TCF12: variants seen among roughly 807,000 people sequenced by gnomAD.
TCF12 encodes the protein DNA-binding protein HTF4.
Under a neutral mutation model 86.0 loss-of-function variants are expected in TCF12, and 45 were observed. The observed-to-expected ratio is 0.52, with a 90% confidence interval of 0.41 to 0.67. The LOEUF is 0.67. TCF12 is among the 30% of genes least tolerant of loss of function. The pLI is 0.00. For missense variants in TCF12, 881 were observed against 859.9 expected (o/e 1.02, Z -0.31); for synonymous variants, 330 against 299.6 (o/e 1.10, Z -1.05).
chr15:57,290,503 G>A (rs1597953994), downstream of TCF12, among the ~76,000 whole-genome samples: 1 of 152,162 alleles, frequency 6.6e-6, no homozygotes, highest in East Asian at 1.9e-4. Context: ...AAAAGGGCAA[G>A]GAATCAAAAG....
rs187014425 is a variant in TCF12, at chr15:56,937,510, A to G, written c.148+16412A>G. 3.9e-5 allele frequency among the ~76,000 whole-genome samples: 6 copies of G among 152,034 alleles called. No individual in the cohort carries two copies. In the East Asian group the frequency reaches 1.2e-3, roughly 29 times the overall value. On this transcript the variant is annotated intron_variant, in intron 3 of 20. Coordinates refer to ENST00000333725, the MANE Select transcript of TCF12 (RefSeq NM_207037.2). Reference sequence around the variant, plus strand: ...GATCATATCATCAGCAAACAGCAACAGTTTGACTTCTTTACTGATTTGGGT... The same window carrying G: ...GATCATATCATCAGCAAACAGCAACGGTTTGACTTCTTTACTGATTTGGGT...
At chr15:57,234,258 T>C (rs1284536986) in intron 12 of TCF12, 151 bp downstream of exon 12, 5 of 664,512 alleles carry the variant, frequency 7.5e-6, no homozygotes, top group Non-Finnish European at 1.1e-5. Flanking sequence ...TGTATTGATA[T>C]ATGCCCTTAA....
intron 18 of TCF12, among the ~76,000 whole-genome samples, chr15:57,272,285 A>T (rs539093971): frequency 6.6e-6 from 1 of 152,312 alleles, no homozygotes; most frequent in East Asian, 1.9e-4. Context: ...ATGAATTTCC[A>T]AAGTTGGAAT....
chr15:57,195,614 TAC>T (rs1374345197), intron 7 of TCF12, among the ~76,000 whole-genome samples: 1 of 152,234 alleles, frequency 6.6e-6, no homozygotes, highest in African/African-American at 2.4e-5. Flanking sequence ...TGCTGTTGTG[TAC>T]AGTTTTCTTC....
intron 3 of TCF12, among the ~76,000 whole-genome samples, chr15:56,980,416 C>A (rs1040494523): frequency 5.3e-5 from 8 of 152,242 alleles, no homozygotes; most frequent in Admixed American, 2.6e-4. Flanking sequence ...GTGTAAGAAT[C>A]CGGGCAGTGT....
At chr15:57,177,260 A>G (rs1405888359) in intron 6 of TCF12, among the ~76,000 whole-genome samples, 1 of 141,032 alleles carries the variant, frequency 7.1e-6, no homozygotes, top group African/African-American at 2.5e-5. Context: ...ATCAGGCAAT[A>G]GACAATTTTT....
intron 5 of TCF12, among the ~76,000 whole-genome samples, chr15:57,160,412 G>A (rs564997536): frequency 6.6e-6 from 1 of 152,132 alleles, no homozygotes; most frequent in Non-Finnish European, 1.5e-5. Context: ...CCCATGGTTC[G>A]ATTACCTCCC....
intron 4 of TCF12, among the ~76,000 whole-genome samples, chr15:57,068,198 A>G (rs1392093271): frequency 6.6e-6 from 1 of 152,182 alleles, no homozygotes; most frequent in Non-Finnish European, 1.5e-5. Flanking sequence ...TGAAATGGGG[A>G]TAATGATATC....
rs1160619278 is a variant in TCF12, at chr15:57,288,781, A to G, written c.*2636A>G. On this transcript the variant is annotated 3_prime_UTR_variant, in exon 21 of 21. Coordinates refer to ENST00000333725, the MANE Select transcript of TCF12 (RefSeq NM_207037.2). ...TTTCCTAAAGATTGACCAAACAGCA[A>G]CTAGTAGTTATAGAAAATCTACTCA... 1 of 152,212 alleles carries G rather than the reference A, an allele frequency of 6.6e-6. No homozygotes were observed. The highest frequency in any genetic ancestry group is 1.5e-5 in the Non-Finnish European group (1 of 68,034). The allele number at this position is 152,212 out of a possible 1,614,324, so 9.4% of individuals were successfully genotyped here. A position where few individuals can be genotyped will look rare whatever the true frequency, so the allele number is the denominator to read the frequency against.
rs933679696 is a variant in TCF12, at chr15:57,268,583, G to T, written c.1746-4447G>T. On this transcript the variant is annotated intron_variant, in intron 18 of 20. Coordinates refer to ENST00000333725, the MANE Select transcript of TCF12 (RefSeq NM_207037.2). ...ACTTGTTCTTTTATTAGAATACTCAGGGTATTAAAGAAGAGGTAAAAATGT... is the reference window on the plus strand; with the variant it reads ...ACTTGTTCTTTTATTAGAATACTCATGGTATTAAAGAAGAGGTAAAAATGT... 5.3e-5 allele frequency among the ~76,000 whole-genome samples: 8 copies of T among 152,046 alleles called. No homozygotes were observed. The South Asian group carries it at 1.7e-3, about 32-fold the overall frequency.
chr15:57,088,008 A>G (rs981430299), intron 4 of TCF12, among the ~76,000 whole-genome samples: 7 of 152,070 alleles, frequency 4.6e-5, no homozygotes, highest in Non-Finnish European at 8.8e-5. Flanking sequence ...GTAACTTTCT[A>G]TCAATTTGAA....
chr15:57,065,389 C>G (rs1418532850), intron 4 of TCF12, among the ~76,000 whole-genome samples: 1 of 152,214 alleles, frequency 6.6e-6, no homozygotes, highest in Non-Finnish European at 1.5e-5. Flanking sequence ...TTTCCTTCCA[C>G]TCTTAAACGT....
chr15:57,156,344 A>G (rs572197306), intron 5 of TCF12, among the ~76,000 whole-genome samples: 3 of 152,180 alleles, frequency 2.0e-5, no homozygotes, highest in African/African-American at 4.8e-5. Context: ...TTTTTTAGGT[A>G]AAAAAAACTG....
intron 3 of TCF12, among the ~76,000 whole-genome samples, chr15:57,034,228 TG>T (rs1422250979): frequency 6.6e-6 from 1 of 152,238 alleles, no homozygotes; most frequent in Non-Finnish European, 1.5e-5. Context: ...TTTTTGTTGT[TG>T]TTTTTGGGTT....
chr15:56,946,587 T>G (rs2061006882), intron 3 of TCF12, among the ~76,000 whole-genome samples: 1 of 152,140 alleles, frequency 6.6e-6, no homozygotes, highest in Non-Finnish European at 1.5e-5. Flanking sequence ...CTTCTGGTTA[T>G]GGGTCACATT....
intron 5 of TCF12, among the ~76,000 whole-genome samples, chr15:57,101,246 C>A (rs530170708): frequency 2.6e-4 from 40 of 152,070 alleles, no homozygotes; most frequent in African/African-American, 7.5e-4. Context: ...TGCTCTGTTG[C>A]CCAGACTGGA....
At chr15:57,270,698 T>G (rs1567025446) in intron 18 of TCF12, among the ~76,000 whole-genome samples, 1 of 152,282 alleles carries the variant, frequency 6.6e-6, no homozygotes, top group South Asian at 2.1e-4. Flanking sequence ...AGCTTTGTGG[T>G]TTTATCTACC....
intron 3 of TCF12, among the ~76,000 whole-genome samples, chr15:57,026,697 A>G (rs1321654089): frequency 6.6e-6 from 1 of 152,044 alleles, no homozygotes; most frequent in African/African-American, 2.4e-5. Context: ...TTACGTATAC[A>G]TTTTACATAA....
chr15:57,014,570 A>T (rs1337891473), intron 3 of TCF12, among the ~76,000 whole-genome samples: 1 of 152,176 alleles, frequency 6.6e-6, no homozygotes, highest in Non-Finnish European at 1.5e-5. Flanking sequence ...CTTGGGAGTT[A>T]CATAGATGTA....
Sources: allele counts gnomAD v4.1 joint callset (sites outside exome capture counted in the v4.1 genomes callset), GRCh38; gene constraint gnomAD v4.1.1; transcripts MANE v1.5; gene names NCBI Gene and HGNC (gene_info 2026-07-23, HGNC 2026-07-21).